SNAP91: variants seen among roughly 807,000 people sequenced by gnomAD.
SNAP91 encodes the protein clathrin coat assembly protein AP180.
A neutral mutation model predicts 100.3 loss-of-function variants in SNAP91; 27 were observed. That is an observed-to-expected ratio of 0.27 (90% CI 0.20 to 0.37). The LOEUF is 0.37. Ranked by LOEUF, SNAP91 falls within the 10% of genes least tolerant of loss-of-function variation. SNAP91 has a pLI of 1.00. For missense variants in SNAP91, 986 were observed against 1,123.7 expected, an observed-to-expected ratio of 0.88 and a Z score of 1.75; for synonymous variants, 404 against 398.6, an observed-to-expected ratio of 1.01 and a Z score of -0.16.
intron 8 of SNAP91, among the ~76,000 whole-genome samples, chr6:83,637,102 C>T (rs1275212230): frequency 2.0e-5 from 3 of 152,152 alleles, no homozygotes. Context: ...AGCCAGACAC[C>T]TCTTATTTTT....
chr6:83,574,825 A>G (rs986336214), intron 26 of SNAP91, among the ~76,000 whole-genome samples, 185 bp downstream of exon 26: 1 of 152,020 alleles, frequency 6.6e-6, no homozygotes, highest in African/African-American at 2.4e-5. Flanking sequence ...AACAGAGGCT[A>G]TCAAATGTTT....
At chr6:83,555,049 A>C (rs1314556693) in intron 29 of SNAP91, among the ~76,000 whole-genome samples, 1 of 152,204 alleles carries the variant, frequency 6.6e-6, no homozygotes, top group Non-Finnish European at 1.5e-5. Context: ...TAAGAGGTGA[A>C]TACAGGCTGC....
At chr6:83,558,763 T>C (rs890557552) in intron 28 of SNAP91, among the ~76,000 whole-genome samples, 4 of 152,222 alleles carry the variant, frequency 2.6e-5, no homozygotes, top group African/African-American at 9.6e-5. Context: ...ATTTGAGCTA[T>C]TTGCTCTAGT....
chr6:83,590,462 G>A (rs13212099), intron 22 of SNAP91, among the ~76,000 whole-genome samples: 26,584 of 151,750 alleles, frequency 0.18, 2,982 homozygotes, highest in South Asian at 0.27. Context: ...AGTAATCCAA[G>A]GCAAACTGTA....
At chr6:83,654,513 T>C (rs1014077172) in intron 7 of SNAP91, among the ~76,000 whole-genome samples, 5 of 152,272 alleles carry the variant, frequency 3.3e-5, no homozygotes, top group African/African-American at 4.8e-5. Context: ...AATGTCACTA[T>C]ATGTTTTAGC....
chr6:83,572,961 G>C (rs186924245), intron 26 of SNAP91, among the ~76,000 whole-genome samples: 48 of 152,206 alleles, frequency 3.2e-4, no homozygotes, highest in African/African-American at 1.1e-3. Context: ...CAAAATAGAG[G>C]CTATCAAATG....
intron 26 of SNAP91, among the ~76,000 whole-genome samples, chr6:83,573,588 T>A (rs1390152468): frequency 1.3e-5 from 2 of 152,214 alleles, no homozygotes; most frequent in Non-Finnish European, 2.9e-5. Flanking sequence ...AGCATGGTAC[T>A]GGTACCAAAA....
At position 83,554,135 on chromosome 6, in the gene SNAP91, G is replaced by A. The variant is rs540089169; in HGVS notation, c.*161C>T. The A allele has an allele frequency of 5.7e-6, 1 of 174,914 alleles. No homozygotes were observed. The highest frequency in any genetic ancestry group is 2.4e-5 in the African/African-American group (1 of 41,814). 10.8% of individuals were successfully genotyped at this position (174,914 alleles called of 1,614,324 possible). ...AGCTAAGGTAGTACATATTCCTAAT[G>A]TTCACTTTCACGGCTGTGTTACACA... On this transcript the variant is annotated 3_prime_UTR_variant, in exon 30 of 30. Transcript: ENST00000369694.
chr6:83,582,334 C>A lies in SNAP91; in HGVS notation c.2037G>T (p.Ala679=). The change falls in exon 23 of 30, where the codon GCG becomes GCT. Residue 679 remains alanine, a synonymous_variant. Coordinates refer to ENST00000369694, the MANE Select transcript of SNAP91 (RefSeq NM_001242792.2). Reference sequence around the variant, plus strand: ...CTGGAGTCACTGGAGATGGGGAAGGCGCCATGAAAGAACCCCCAAATCCTG... The same window carrying A: ...CTGGAGTCACTGGAGATGGGGAAGGAGCCATGAAAGAACCCCCAAATCCTG... The part of the protein sequence containing the change: ...LLAGFGGSFM[A]PSPSPVTPAQ... 1.9e-6 allele frequency: 3 copies of A among 1,612,016 alleles called. No homozygotes were observed. The highest frequency in any genetic ancestry group is 2.5e-6 in the Non-Finnish European group (3 of 1,179,040).
intron 7 of SNAP91, among the ~76,000 whole-genome samples, chr6:83,645,719 T>G (rs1668462227): frequency 6.6e-6 from 1 of 151,634 alleles, no homozygotes; most frequent in Non-Finnish European, 1.5e-5. Flanking sequence ...GGAGTGGTGG[T>G]GCGTGTCTGT....
At chr6:83,696,262 A>G (rs989623880) in intron 2 of SNAP91, among the ~76,000 whole-genome samples, 19 of 152,244 alleles carry the variant, frequency 1.2e-4, no homozygotes, top group African/African-American at 4.3e-4. Flanking sequence ...AACCAGGTGC[A>G]TAGCGATATT....
intron 22 of SNAP91, among the ~76,000 whole-genome samples, chr6:83,590,978 G>A (rs1412173449): frequency 6.6e-6 from 1 of 152,060 alleles, no homozygotes; most frequent in Admixed American, 6.6e-5. Flanking sequence ...GTACAGATTT[G>A]TTACATGGGT....
At chr6:83,658,756 A>G (rs534738524) in intron 6 of SNAP91, among the ~76,000 whole-genome samples, 4 of 152,368 alleles carry the variant, frequency 2.6e-5, no homozygotes, top group Non-Finnish European at 4.4e-5. Flanking sequence ...TGCTCAGAAC[A>G]TGAAGTTCCA....
intron 14 of SNAP91, among the ~76,000 whole-genome samples, chr6:83,603,128 A>G (rs930697296): frequency 1.3e-5 from 2 of 152,192 alleles, no homozygotes. Flanking sequence ...CTCAATCAAT[A>G]TTAGCTTTCA....
chr6:83,620,998 C>T (rs1454505113), intron 9 of SNAP91, among the ~76,000 whole-genome samples: 1 of 152,112 alleles, frequency 6.6e-6, no homozygotes, highest in Non-Finnish European at 1.5e-5. Context: ...CCACCGCGCC[C>T]AGCCTGAACA....
chr6:83,676,315 G>A (rs1014460713), intron 2 of SNAP91, among the ~76,000 whole-genome samples: 1 of 152,032 alleles, frequency 6.6e-6, no homozygotes, highest in African/African-American at 2.4e-5. Context: ...ATACAATGTC[G>A]AGCACAGATA....
At chr6:83,630,293 A>AT (rs2097153340) in intron 8 of SNAP91, among the ~76,000 whole-genome samples, 2 of 152,034 alleles carry the variant, frequency 1.3e-5, no homozygotes, top group Non-Finnish European at 2.9e-5. Flanking sequence ...AATCAGAAAT[A>AT]TTGGTCTGTA....
chr6:83,592,823 T>C (rs1271931046), intron 20 of SNAP91, 123 bp downstream of exon 20: 3 of 808,404 alleles, frequency 3.7e-6, no homozygotes, highest in African/African-American at 1.7e-5. Context: ...AAGAGTGAGT[T>C]TTTCTTTTGA....
chr6:83,694,823 G>C (rs1415505377), intron 2 of SNAP91, among the ~76,000 whole-genome samples: 1 of 151,982 alleles, frequency 6.6e-6, no homozygotes, highest in Non-Finnish European at 1.5e-5. Flanking sequence ...TTCTCTTTTT[G>C]CCAAAACTAT....
Sources: gnomAD v4.1 joint callset for allele counts (sites outside exome capture counted in the v4.1 genomes callset) on GRCh38, gnomAD v4.1.1 for gene constraint, MANE v1.5 for transcripts, NCBI Gene and HGNC (gene_info 2026-07-23, HGNC 2026-07-21) for gene names.